The following CELF5 variants were observed in gnomAD, a reference collection of about 807,000 sequenced individuals.
The protein encoded by CELF5 is CUG-BP and ETR-3 like factor 5.
A neutral mutation model predicts 54.9 loss-of-function variants in CELF5; 6 were observed. That is an observed-to-expected ratio of 0.11 (90% CI 0.06 to 0.22). The LOEUF is 0.22. Ranked by LOEUF, CELF5 falls within the 10% of genes least tolerant of loss-of-function variation. The pLI is 1.00. For synonymous variants in CELF5, 271 were observed against 290.9 expected (o/e 0.93, Z 0.70); for missense variants, 401 against 678.6 (o/e 0.59, Z 4.54).
At chr19:3,267,607 G>T (rs982969369) in intron 2 of CELF5, among the ~76,000 whole-genome samples, 1 of 152,236 alleles carries the variant, frequency 6.6e-6, no homozygotes, top group African/African-American at 2.4e-5. Flanking sequence ...TGAGGGAGGG[G>T]CCAGGACCTT....
At chr19:3,249,759 A>G (rs2079622467) in intron 1 of CELF5, among the ~76,000 whole-genome samples, 1 of 152,090 alleles carries the variant, frequency 6.6e-6, no homozygotes, top group Admixed American at 6.5e-5. Context: ...TCTCCCTCTG[A>G]TAGGGGAAGG....
chr19:3,284,190 T>C (rs1355578895), intron 8 of CELF5, among the ~76,000 whole-genome samples: 4 of 152,028 alleles, frequency 2.6e-5, no homozygotes, highest in Non-Finnish European at 2.9e-5. Flanking sequence ...CGTGTGTGTG[T>C]GTGTGTGCAG....
At chr19:3,247,115 C>T (rs1288209257) in intron 1 of CELF5, among the ~76,000 whole-genome samples, 7 of 152,076 alleles carry the variant, frequency 4.6e-5, no homozygotes, top group Admixed American at 4.6e-4. Context: ...CTGGTGGCTT[C>T]ATGGTGGCTG....
intron 4 of CELF5, among the ~76,000 whole-genome samples, chr19:3,277,687 T>C (rs2080079480): frequency 6.6e-6 from 1 of 152,168 alleles, no homozygotes; most frequent in South Asian, 2.1e-4. Context: ...GTATGTTCTA[T>C]GGACTTTGTC....
intron 2 of CELF5, among the ~76,000 whole-genome samples, chr19:3,264,638 G>C (rs1050436461): frequency 6.6e-6 from 1 of 151,104 alleles, no homozygotes; most frequent in African/African-American, 2.4e-5. Flanking sequence ...GGATGGTCTC[G>C]AGCTCCTGAC....
At chr19:3,237,121 GC>G (rs755297677) in intron 1 of CELF5, among the ~76,000 whole-genome samples, 10 of 151,482 alleles carry the variant, frequency 6.6e-5, no homozygotes, top group Admixed American at 1.3e-4. Context: ...GACCATCCTG[GC>G]TAACACGGTG....
At chr19:3,236,882 G>T (rs947410874) in intron 1 of CELF5, among the ~76,000 whole-genome samples, 2 of 151,746 alleles carry the variant, frequency 1.3e-5, no homozygotes, top group African/African-American at 4.8e-5. Flanking sequence ...CCAGCTACTT[G>T]GGAGGCCGAA....
Position 3,224,830 on chromosome 19 carries a change from C to T in CELF5, c.91C>T (p.Pro31Ser), listed in dbSNP as rs759584916. Residue 31 changes from proline (P) to serine (S), a missense_variant, in exon 1 of 13, where the codon CCC becomes TCC. This residue lies in a region of CELF5 where 46 missense variants were observed against 55.0 expected (regional missense o/e 0.84). Transcript: ENST00000292672. The stretch of plus-strand genomic sequence containing the variant: ...GCCCGTGGGCAGCAGCGGGCCCGAG[C>T]CCCCCGGGGGGCAGCCCGACGGCAT... ...PSPVGSSGPE[P>S]PGGQPDGMKD... 22 of 1,581,102 alleles carry T rather than the reference C, an allele frequency of 1.4e-5. No homozygotes were observed. The highest frequency in any genetic ancestry group is 3.4e-4 in the Middle Eastern group (2 of 5,912).
intron 8 of CELF5, 90 bp from the exon 9 acceptor site, chr19:3,284,812 T>G: frequency 8.9e-7 from 1 of 1,126,750 alleles, no homozygotes; most frequent in Non-Finnish European, 1.3e-6. Context: ...GGCGGGGTGT[T>G]TGTTGCTGTC....
chr19:3,256,113 G>A (rs185975107), intron 2 of CELF5, among the ~76,000 whole-genome samples: 1 of 150,974 alleles, frequency 6.6e-6, no homozygotes, highest in East Asian at 2.0e-4. Flanking sequence ...GAGGTGTTAA[G>A]CCTTTATATT....
intron 1 of CELF5, among the ~76,000 whole-genome samples, chr19:3,227,887 C>G (rs1389020067): frequency 1.3e-5 from 2 of 152,090 alleles, no homozygotes; most frequent in African/African-American, 2.4e-5. Context: ...GAGTGAGGCC[C>G]CCAGAGATGG....
At chr19:3,227,916 C>A (rs1268619425) in intron 1 of CELF5, among the ~76,000 whole-genome samples, 1 of 152,078 alleles carries the variant, frequency 6.6e-6, no homozygotes, top group Non-Finnish European at 1.5e-5. Context: ...ATGGAGGGGC[C>A]CGTGACACCT....
At chr19:3,245,875 A>G (rs2079559093) in intron 1 of CELF5, among the ~76,000 whole-genome samples, 1 of 152,236 alleles carries the variant, frequency 6.6e-6, no homozygotes, top group Admixed American at 6.5e-5. Context: ...TCAATGAAAT[A>G]CAACTGCACG....
chr19:3,272,533 G>C (rs903704281), intron 2 of CELF5, among the ~76,000 whole-genome samples: 1 of 152,168 alleles, frequency 6.6e-6, no homozygotes, highest in Non-Finnish European at 1.5e-5. Context: ...CTTGGAAAAA[G>C]GTCTGAGAGT....
At chr19:3,235,674 A>ATGGATGTG (rs1383331190) in intron 1 of CELF5, among the ~76,000 whole-genome samples, 1 of 47,304 alleles carries the variant, frequency 2.1e-5, no homozygotes, top group South Asian at 8.3e-4. Flanking sequence ...GGATGGATGG[A>ATGGATGTG]TGGATGTGTG....
chr19:3,235,989 G>A (rs1375658309), intron 1 of CELF5, among the ~76,000 whole-genome samples: 1 of 152,096 alleles, frequency 6.6e-6, no homozygotes, highest in East Asian at 1.9e-4. Context: ...ATGCCTGGGC[G>A]AGAGATCTGG....
chr19:3,231,561 G>GTGGA, intron 1 of CELF5, among the ~76,000 whole-genome samples: 1 of 147,560 alleles, frequency 6.8e-6, no homozygotes, highest in East Asian at 2.0e-4. Context: ...AGATGGGTGG[G>GTGGA]TGGATGGATG....
At chr19:3,235,073 C>T (rs752670100) in intron 1 of CELF5, among the ~76,000 whole-genome samples, 2 of 152,164 alleles carry the variant, frequency 1.3e-5, no homozygotes, top group Admixed American at 6.5e-5. Flanking sequence ...CTCTCTCCTC[C>T]TCGCTCCCTC....
chr19:3,260,328 G>C (rs1934360161), intron 2 of CELF5, among the ~76,000 whole-genome samples: 1 of 152,126 alleles, frequency 6.6e-6, no homozygotes. Flanking sequence ...TGTTGGCCAG[G>C]CTGGTCTCGA....
Sources: gnomAD v4.1 joint callset for allele counts (sites outside exome capture counted in the v4.1 genomes callset) on GRCh38, gnomAD v4.1.1 for gene constraint, gnomAD v4.1.1 regional missense constraint, MANE v1.5 for transcripts, NCBI Gene and HGNC (gene_info 2026-07-23, HGNC 2026-07-21) for gene names.